Variants in FBXO42 observed in about 807,000 individuals in gnomAD.
The protein encoded by FBXO42 is F-box protein 42, also known as F-box only protein 42.
FBXO42 carries 12 observed loss-of-function variants against 71.7 expected under a neutral mutation model. The observed-to-expected ratio is 0.17, with a 90% CI of 0.11 to 0.27. The LOEUF is 0.27. Among genes scored for constraint, FBXO42 ranks in the 10% least tolerant of loss-of-function variants. The pLI is 1.00. For synonymous variants in FBXO42, 325 were observed against 327.5 expected (o/e 0.99, Z 0.08); for missense variants, 707 against 911.9 (o/e 0.78, Z 2.89).
At chr1:16,269,379 G>A (rs1306283728) in intron 4 of FBXO42, among the ~76,000 whole-genome samples, 1 of 142,338 alleles carries the variant, frequency 7.0e-6, no homozygotes, top group South Asian at 2.2e-4. Flanking sequence ...ATAAACCACC[G>A]AACCCAGACT....
At chr1:16,314,163 G>A (rs1203895533) in intron 2 of FBXO42, among the ~76,000 whole-genome samples, 1 of 152,132 alleles carries the variant, frequency 6.6e-6, no homozygotes, top group African/African-American at 2.4e-5. Flanking sequence ...TGTTGGCCAG[G>A]CTGGTCTCGA....
At position 16,252,502 on chromosome 1, in the gene FBXO42, T is replaced by G; in HGVS notation, c.922-98A>C. 1 of 940,454 alleles carries G rather than the reference T, an allele frequency of 1.1e-6. No homozygotes were observed. The highest frequency in any genetic ancestry group is 1.7e-6 in the Non-Finnish European group (1 of 589,136). 58.3% of individuals were successfully genotyped at this position (940,454 alleles called of 1,614,324 possible). A position where few individuals can be genotyped will look rare whatever the true frequency, so the allele number is the denominator to read the frequency against. ...GTCTCAAAGCTCTCCTGTCTGGTCT[T>G]GAAAGGATGTGGACTCTTCAGAAGG... On this transcript the variant is annotated intron_variant, in intron 8 of 9. Transcript: ENST00000375592. The surrounding 1 kb of genome is among the most constrained non-coding windows in gnomAD (Gnocchi z 4.4).
chr1:16,288,443 TAAA>T (rs1557585976), intron 4 of FBXO42, among the ~76,000 whole-genome samples: 1 of 147,304 alleles, frequency 6.8e-6, no homozygotes, highest in African/African-American at 2.6e-5. Flanking sequence ...AAAATAAAAA[TAAA>T]AATAAAAATA....
chr1:16,317,565 A>G (rs1245683268), intron 1 of FBXO42, among the ~76,000 whole-genome samples: 1 of 151,930 alleles, frequency 6.6e-6, no homozygotes, highest in Non-Finnish European at 1.5e-5. Flanking sequence ...ACTGCACTCC[A>G]GCCTAGACAA....
rs941233288 is a variant in FBXO42 at position 16,252,020 on chromosome 1, A to G, written c.1039-235T>C. Among the ~76,000 whole-genome samples, 5 of 152,196 alleles carry G rather than the reference A, an allele frequency of 3.3e-5. No individual in the cohort carries two copies. Among genetic ancestry groups the G allele is most frequent in the Admixed American group, 3.3e-4 (5 of 15,272 alleles). Reference sequence around the variant, plus strand: ...TATGTATACAGAAGGGGTGGGGAGAAGGGAACAATCAATTTTTGTTAGAAG... The same window carrying G: ...TATGTATACAGAAGGGGTGGGGAGAGGGGAACAATCAATTTTTGTTAGAAG... On this transcript the variant is annotated intron_variant, in intron 9 of 9. Transcript: ENST00000375592. The surrounding 1 kb of genome is among the most constrained non-coding windows in gnomAD (Gnocchi z 4.4).
At chr1:16,270,425 C>A (rs760766107) in intron 4 of FBXO42, among the ~76,000 whole-genome samples, 2 of 152,098 alleles carry the variant, frequency 1.3e-5, no homozygotes, top group African/African-American at 4.8e-5. Context: ...AACAACTGGA[C>A]GCTGAAGTAC....
At chr1:16,337,881 C>G in intron 1 of FBXO42, among the ~76,000 whole-genome samples, 1 of 25,844 alleles carries the variant, frequency 3.9e-5, no homozygotes, top group Admixed American at 6.8e-4. Flanking sequence ...GAGACTCCGT[C>G]TCAAAAAAAA....
At chr1:16,344,654 C>A (rs1302708572) in intron 1 of FBXO42, among the ~76,000 whole-genome samples, 2 of 151,642 alleles carry the variant, frequency 1.3e-5, no homozygotes, top group Non-Finnish European at 2.9e-5. Flanking sequence ...CATTTTTAAA[C>A]CTTCTTATAC....
chr1:16,271,257 T>TGG (rs1233685394), intron 4 of FBXO42, among the ~76,000 whole-genome samples: 78 of 88,382 alleles, frequency 8.8e-4, no homozygotes, highest in Middle Eastern at 5.2e-3. Flanking sequence ...GTGTGTGTGT[T>TGG]GGTGTGTGTG....
intron 2 of FBXO42, among the ~76,000 whole-genome samples, chr1:16,314,428 C>A (rs1280496986): frequency 1.3e-5 from 2 of 152,150 alleles, no homozygotes; most frequent in African/African-American, 4.8e-5. Context: ...ATCTTTAATC[C>A]TGCATTTACT....
In FBXO42 at chr1:16,305,799, T is replaced by G. The variant is rs2082243938; in HGVS notation, c.367+4A>C. 1 of 1,610,632 alleles carries G rather than the reference T, an allele frequency of 6.2e-7. No homozygotes were observed. Among genetic ancestry groups the G allele is most frequent in the East Asian group, 2.2e-5 (1 of 44,850 alleles). On this transcript the variant is annotated splice_donor_region_variant and intron_variant, in intron 3 of 9. Coordinates refer to ENST00000375592, the MANE Select transcript of FBXO42 (RefSeq NM_018994.3). ...TGGAATCTGCTTTCACAGTAAATAC[T>G]TACTGTGCGAGAAGCGCTGAGTGAT...
chr1:16,348,010 GAAAA>G (rs1252669835), intron 1 of FBXO42, among the ~76,000 whole-genome samples: 1 of 135,526 alleles, frequency 7.4e-6, no homozygotes, highest in Non-Finnish European at 1.6e-5. Context: ...AAAAAAAAAA[GAAAA>G]AAAGAAAAGA....
chr1:16,254,785 T>G (rs1232127893), intron 6 of FBXO42, among the ~76,000 whole-genome samples: 1 of 152,190 alleles, frequency 6.6e-6, no homozygotes, highest in Non-Finnish European at 1.5e-5. Flanking sequence ...GATGGAATGC[T>G]CTGGCTCCTG....
At chr1:16,339,536 G>A (rs1350933960) in intron 1 of FBXO42, among the ~76,000 whole-genome samples, 2 of 151,352 alleles carry the variant, frequency 1.3e-5, no homozygotes, top group Non-Finnish European at 3.0e-5. Flanking sequence ...TGGTCTTGAT[G>A]TCTTGACCTC....
Position 16,313,374 on chromosome 1 carries a change from G to GAAAGAA in FBXO42, c.250+1794_250+1795insTTCTTT, listed in dbSNP as rs1557597991. On this transcript the variant is annotated intron_variant, in intron 2 of 9. Transcript: ENST00000375592. Reference sequence around the variant, plus strand: ...AAAGAAAGAAAGAAAGAAAGAAAGAGAAAAGAAAGAAAACCAAAATAAGAC... The same window carrying GAAAGAA: ...AAAGAAAGAAAGAAAGAAAGAAAGAGAAAGAAAAAAGAAAGAAAACCAAAATAAGAC... 1.5e-3 allele frequency among the ~76,000 whole-genome samples: 205 copies of GAAAGAA among 139,650 alleles called. 1 individual carries two copies. The highest frequency in any genetic ancestry group is 5.7e-3 in the African/African-American group (199 of 35,006). 91.6% of individuals were successfully genotyped at this position (139,650 alleles called of 152,430 possible).
At chr1:16,340,344 G>A (rs1253720536) in intron 1 of FBXO42, among the ~76,000 whole-genome samples, 1 of 151,548 alleles carries the variant, frequency 6.6e-6, no homozygotes, top group South Asian at 2.1e-4. Flanking sequence ...TTGAGACGGA[G>A]TTTCACTCTT....
At chr1:16,254,458 T>C (rs2081619776) in intron 6 of FBXO42, among the ~76,000 whole-genome samples, 1 of 152,196 alleles carries the variant, frequency 6.6e-6, no homozygotes, top group Non-Finnish European at 1.5e-5. Flanking sequence ...CAGACTGGCA[T>C]CTCTAACCCT....
chr1:16,265,297 G>T (rs2081758944), intron 4 of FBXO42, among the ~76,000 whole-genome samples: 2 of 152,124 alleles, frequency 1.3e-5, no homozygotes, highest in South Asian at 4.2e-4. Context: ...CTCCATGTTG[G>T]TCAGGCTGGT....
chr1:16,337,356 T>C (rs2082560815), intron 1 of FBXO42, among the ~76,000 whole-genome samples: 1 of 152,000 alleles, frequency 6.6e-6, no homozygotes, highest in Non-Finnish European at 1.5e-5. Flanking sequence ...AATCAACAGG[T>C]ATTGAGAACA....
Sources: gnomAD v4.1 joint callset for allele counts (sites outside exome capture counted in the v4.1 genomes callset) on GRCh38, gnomAD v4.1.1 for gene constraint, Gnocchi (gnomAD v3.1) non-coding constraint, MANE v1.5 for transcripts, NCBI Gene and HGNC (gene_info 2026-07-23, HGNC 2026-07-21) for gene names.